TTLL13: variants seen among roughly 807,000 people sequenced by gnomAD.
TTLL13 encodes tubulin tyrosine ligase like 13.
chr15:90,262,033 G>A, the TTLL13 span: 101 of 1,535,266 alleles, frequency 6.6e-5, no homozygotes, highest in Middle Eastern at 3.3e-4. Context: ...CATCCCATGT[G>A]GCAATGCTGG....
At chr15:90,258,610 A>G in the TTLL13 span, 1 of 756,166 alleles carries the variant, frequency 1.3e-6, no homozygotes, top group Non-Finnish European at 2.2e-6. Context: ...TGGCCTTGGA[A>G]GCCAGAGCAT....
the TTLL13 span, chr15:90,261,903 T>C: frequency 1.1e-5 from 11 of 996,440 alleles, no homozygotes; most frequent in Admixed American, 3.1e-4. Context: ...GCCCAGGAGG[T>C]CAAGAAGCCA....
the TTLL13 span, chr15:90,250,639 G>C: frequency 6.2e-7 from 1 of 1,613,012 alleles, no homozygotes; most frequent in African/African-American, 1.3e-5. Flanking sequence ...GAATGGAGCC[G>C]AGTACCTGTA....
chr15:90,257,895 C>A, the TTLL13 span: 1 of 944,050 alleles, frequency 1.1e-6, no homozygotes, highest in Non-Finnish European at 1.6e-6. Context: ...AAACCTCACC[C>A]TGATAACTAG....
the TTLL13 span, among the ~76,000 whole-genome samples, chr15:90,256,567 TTCTTTCTTTCTTTC>T: frequency 3.3e-5 from 1 of 30,426 alleles, no homozygotes; most frequent in Non-Finnish European, 6.4e-5. Flanking sequence ...CTTTCTTTCT[TTCTTTCTTTCTTTC>T]TTTCTTTCTT....
At chr15:90,252,412 C>G in the TTLL13 span, among the ~76,000 whole-genome samples, 3 of 152,116 alleles carry the variant, frequency 2.0e-5, no homozygotes, top group African/African-American at 4.8e-5. Flanking sequence ...AACTCCTGGG[C>G]TCAAGTGATC....
At chr15:90,258,964 T>C in the TTLL13 span, 42 of 1,613,718 alleles carry the variant, frequency 2.6e-5, no homozygotes, top group Non-Finnish European at 3.1e-5. Context: ...AGTTCTTCAT[T>C]ATTCCTGAGA....
chr15:90,256,211 T>C, the TTLL13 span: 2 of 1,614,206 alleles, frequency 1.2e-6, no homozygotes, highest in African/African-American at 2.7e-5. Context: ...AGACAGTGGC[T>C]GTCAGGGACG....
the TTLL13 span, among the ~76,000 whole-genome samples, chr15:90,253,809 G>A: frequency 6.6e-6 from 1 of 152,286 alleles, no homozygotes; most frequent in African/African-American, 2.4e-5. Flanking sequence ...GATCCACCGG[G>A]GTCCACAAGA....
the TTLL13 span, chr15:90,258,203 T>C: frequency 2.5e-6 from 4 of 1,614,156 alleles, no homozygotes; most frequent in Non-Finnish European, 8.5e-7. Context: ...GAGGTACATG[T>C]GCCTGTTTTG....
the TTLL13 span, chr15:90,256,050 A>G: frequency 0.28 from 438,871 of 1,555,318 alleles, 69,784 homozygotes; most frequent in East Asian, 0.66. Flanking sequence ...CTCCAGGAAG[A>G]GCATGGACTA....
the TTLL13 span, chr15:90,257,057 A>G: frequency 7.8e-7 from 1 of 1,287,182 alleles, no homozygotes; most frequent in Admixed American, 2.3e-5. Context: ...TCAATTAGCT[A>G]TGTGTGTGAA....
the TTLL13 span, chr15:90,257,987 C>T: frequency 1.3e-6 from 2 of 1,562,884 alleles, no homozygotes; most frequent in Non-Finnish European, 8.8e-7. Context: ...TGCCTACAGC[C>T]TGGCCCAGTG....
At chr15:90,252,029 A>G in the TTLL13 span, among the ~76,000 whole-genome samples, 5,198 of 145,882 alleles carry the variant, frequency 0.036, 307 homozygotes, top group African/African-American at 0.12. Context: ...CTGCACCACT[A>G]TGCTCACCTA....
chr15:90,253,533 T>G, the TTLL13 span, among the ~76,000 whole-genome samples: 1 of 152,192 alleles, frequency 6.6e-6, no homozygotes, highest in Non-Finnish European at 1.5e-5. Context: ...GATCTCCTCT[T>G]GGAGATTGTG....
the TTLL13 span, chr15:90,262,778 G>C: frequency 8.1e-7 from 1 of 1,242,162 alleles, no homozygotes; most frequent in African/African-American, 1.5e-5. Context: ...AAGAGAGAGA[G>C]GAGTTCCTAA....
chr15:90,262,296 A>C, the TTLL13 span: 1 of 1,267,760 alleles, frequency 7.9e-7, no homozygotes. Context: ...GCAAAGAGGA[A>C]TGGAGCTATA....
chr15:90,255,703 G>A, the TTLL13 span: 67 of 1,613,040 alleles, frequency 4.2e-5, no homozygotes, highest in African/African-American at 8.5e-4. Flanking sequence ...ATGCCCAGGT[G>A]CTAGGAAATG....
the TTLL13 span, chr15:90,264,642 T>C: frequency 6.7e-7 from 1 of 1,482,964 alleles, no homozygotes; most frequent in South Asian, 1.3e-5. Flanking sequence ...GTGTTGGTAA[T>C]TGGGCCACAG....
Sources: gnomAD v4.1 joint callset for allele counts (sites outside exome capture counted in the v4.1 genomes callset) on GRCh38, gnomAD v4.1.1 for gene constraint, MANE v1.5 for transcripts, NCBI Gene and HGNC (gene_info 2026-07-23, HGNC 2026-07-21) for gene names.